KANSL1: variants seen among roughly 807,000 people sequenced by gnomAD.
The protein encoded by KANSL1 is MLL1/MLL complex subunit KANSL1.
A neutral mutation model predicts 103.6 loss-of-function variants in KANSL1; 22 were observed. The observed-to-expected ratio is 0.21, with a 90% CI of 0.15 to 0.30. The LOEUF (loss-of-function observed/expected upper bound fraction) is 0.30. KANSL1 is among the 10% of genes least tolerant of loss of function. KANSL1 has a pLI of 1.00. For missense variants in KANSL1, 1,337 were observed against 1,399.8 expected (o/e 0.96, Z 0.72); for synonymous variants, 600 against 527.6 (o/e 1.14, Z -1.88).
intron 2 of KANSL1, among the ~76,000 whole-genome samples, chr17:46,122,082 T>G (rs867849890): frequency 6.6e-6 from 1 of 152,164 alleles, no homozygotes; most frequent in Admixed American, 6.5e-5. Context: ...TAATTTGAAC[T>G]ATAGTAAGTT....
chr17:46,076,129 G>A (rs958730858), intron 4 of KANSL1, among the ~76,000 whole-genome samples: 1 of 152,178 alleles, frequency 6.6e-6, no homozygotes, highest in Non-Finnish European at 1.5e-5. Context: ...AATTAACTTT[G>A]TAAGAAGGCT....
At chr17:46,078,766 T>C (rs984129606) in intron 4 of KANSL1, among the ~76,000 whole-genome samples, 1 of 152,156 alleles carries the variant, frequency 6.6e-6, no homozygotes, top group Non-Finnish European at 1.5e-5. Context: ...CAAGCTTCTA[T>C]TTGAAGAGAG....
At chr17:46,173,516 T>TTA (rs1834012988) in intron 1 of KANSL1, among the ~76,000 whole-genome samples, 1 of 152,244 alleles carries the variant, frequency 6.6e-6, no homozygotes, top group Admixed American at 6.5e-5. Flanking sequence ...AGCCAGTTGT[T>TTA]CTTTAAAGTG....
At chr17:46,211,706 A>G (rs934077302) in intron 1 of KANSL1, among the ~76,000 whole-genome samples, 1 of 152,290 alleles carries the variant, frequency 6.6e-6, no homozygotes, top group African/African-American at 2.4e-5. Context: ...CAAAGGGGCA[A>G]TGTGATCAAA....
intron 1 of KANSL1, among the ~76,000 whole-genome samples, chr17:46,207,122 A>C (rs2047994875): frequency 6.6e-6 from 1 of 152,162 alleles, no homozygotes; most frequent in African/African-American, 2.4e-5. Context: ...ATAAAAAAAA[A>C]CAATTAGCCA....
chr17:46,151,241 T>C (rs2045082409), intron 2 of KANSL1, among the ~76,000 whole-genome samples: 1 of 152,258 alleles, frequency 6.6e-6, no homozygotes, highest in South Asian at 2.1e-4. Flanking sequence ...ACTCATTCTA[T>C]ACCTGGATCA....
At chr17:46,038,858 G>A in intron 9 of KANSL1, 169 bp downstream of exon 9, 1 of 1,109,660 alleles carries the variant, frequency 9.0e-7, no homozygotes, top group Non-Finnish European at 1.3e-6. Flanking sequence ...GGCAGAGGTT[G>A]CTGTAGCAGT....
intron 4 of KANSL1, among the ~76,000 whole-genome samples, chr17:46,077,155 A>G (rs972633150): frequency 6.6e-6 from 1 of 152,130 alleles, no homozygotes; most frequent in African/African-American, 2.4e-5. Context: ...GGGCTCAAGC[A>G]ATTCTCCCAC....
At chr17:46,211,227 C>CAAAAAAAAA (rs574672233) in intron 1 of KANSL1, among the ~76,000 whole-genome samples, 19 of 102,496 alleles carry the variant, frequency 1.9e-4, no homozygotes, top group African/African-American at 6.3e-4. Context: ...ATGTTCTATG[C>CAAAAAAAAA]AAAAAAAAAA....
chr17:46,161,451 T>C (rs2045739981), intron 2 of KANSL1, among the ~76,000 whole-genome samples: 3 of 150,662 alleles, frequency 2.0e-5, no homozygotes, highest in South Asian at 4.2e-4. Context: ...AAAAAAAACC[T>C]TGTTTCCTAG....
intron 2 of KANSL1, among the ~76,000 whole-genome samples, chr17:46,133,426 C>A (rs2043964635): frequency 6.6e-6 from 1 of 152,082 alleles, no homozygotes; most frequent in South Asian, 2.1e-4. Context: ...TTCACTCCAA[C>A]TAGAAAGGAA....
rs1290313799 is a variant in KANSL1, at chr17:46,034,226, G to A, written c.2601C>T (p.Ile867=). The change falls in exon 11 of 15, where the codon ATC becomes ATT. Residue 867 remains isoleucine, a synonymous_variant. Transcript: ENST00000432791. ...GAGTTGTTGCAGCAACAGACATTGG[G>A]ATGACAATGTTGTTAATATCAAATG... ...ESSFDINNIV[I]PMSVAATTRV... is the part of the protein sequence containing the mutation. 1.2e-6 allele frequency: 2 copies of A among 1,613,366 alleles called. No individual in the cohort carries two copies. Among genetic ancestry groups the A allele is most frequent in the African/African-American group, 1.3e-5 (1 of 75,004 alleles).
chr17:46,052,276 C>G (rs751327479), intron 6 of KANSL1, among the ~76,000 whole-genome samples: 7 of 152,206 alleles, frequency 4.6e-5, no homozygotes, highest in Non-Finnish European at 8.8e-5. Flanking sequence ...GAAACCAACC[C>G]ATGACATCAA....
intron 1 of KANSL1, among the ~76,000 whole-genome samples, chr17:46,216,896 A>G (rs1257742593): frequency 6.6e-6 from 1 of 152,088 alleles, no homozygotes; most frequent in East Asian, 1.9e-4. Context: ...GCTTGAGCTC[A>G]GGAGTTCAAT....
chr17:46,189,155 A>G (rs955316815), intron 1 of KANSL1, among the ~76,000 whole-genome samples: 2 of 151,656 alleles, frequency 1.3e-5, no homozygotes, highest in Non-Finnish European at 2.9e-5. Flanking sequence ...CAGGCACTCT[A>G]AACTGTAGCG....
intron 2 of KANSL1, among the ~76,000 whole-genome samples, chr17:46,162,856 A>C (rs1432464655): frequency 6.6e-6 from 1 of 152,232 alleles, no homozygotes; most frequent in African/African-American, 2.4e-5. Context: ...CTACTTGTAA[A>C]ATACACTATA....
At chr17:46,087,317 T>C (rs181597195) in intron 3 of KANSL1, among the ~76,000 whole-genome samples, 34 of 152,252 alleles carry the variant, frequency 2.2e-4, no homozygotes, top group Non-Finnish European at 4.4e-4. Context: ...CCCCAAGATA[T>C]GTAAGTTCAC....
intron 4 of KANSL1, among the ~76,000 whole-genome samples, chr17:46,071,987 T>TC (rs1179827109): frequency 7.7e-6 from 1 of 130,658 alleles, no homozygotes; most frequent in Non-Finnish European, 1.6e-5. Flanking sequence ...CCCCCACCCC[T>TC]CCCCCCGCCC....
chr17:46,176,054 A>G (rs1035784862), intron 1 of KANSL1, among the ~76,000 whole-genome samples: 2 of 152,224 alleles, frequency 1.3e-5, no homozygotes, highest in Non-Finnish European at 2.9e-5. Flanking sequence ...TTGAATGTCA[A>G]TATGTAGTTG....
Sources: allele counts gnomAD v4.1 joint callset (sites outside exome capture counted in the v4.1 genomes callset), GRCh38; gene constraint gnomAD v4.1.1; transcripts MANE v1.5; gene names NCBI Gene and HGNC (gene_info 2026-07-23, HGNC 2026-07-21).